ELK3: variants seen among roughly 807,000 people sequenced by gnomAD.
The protein encoded by ELK3 is ETS domain-containing protein Elk-3.
In ELK3, 10 loss-of-function variants were observed where a neutral mutation model predicts 28.9. That is an observed-to-expected ratio of 0.35 (90% CI 0.21 to 0.59). The LOEUF is 0.59. Ranked by LOEUF, ELK3 falls within the 20% of genes least tolerant of loss-of-function variation. ELK3 has a pLI of 0.82. For missense variants in ELK3, 463 were observed against 517.3 expected (o/e 0.90, Z 1.02); for synonymous variants, 272 against 243.5 (o/e 1.12, Z -1.09).
intron 2 of ELK3, among the ~76,000 whole-genome samples, chr12:96,244,069 T>A (rs1164061522): frequency 6.6e-6 from 1 of 152,164 alleles, no homozygotes; most frequent in Non-Finnish European, 1.5e-5. Flanking sequence ...TATGTTATGT[T>A]TGTTCCTTAC....
rs374340866 is a variant in ELK3, at chr12:96,246,845, T to C, written c.208-95T>C. ...CCAAGAATGTAAATCAGGAACATTT[T>C]GGTGCTTCTGCCAGCGACATTTACC... On this transcript the variant is annotated intron_variant, in intron 2 of 4. Coordinates refer to ENST00000228741, the MANE Select transcript of ELK3 (RefSeq NM_005230.4). The C allele has an allele frequency of 2.3e-5, 30 of 1,288,424 alleles. No individual in the cohort carries two copies. The African/African-American group carries it at 3.4e-4, about 15-fold the overall frequency. The allele number at this position is 1,288,424 out of a possible 1,614,324, so 79.8% of individuals were successfully genotyped here.
intron 2 of ELK3, among the ~76,000 whole-genome samples, chr12:96,242,682 G>A (rs1190945254): frequency 6.6e-6 from 1 of 152,146 alleles, no homozygotes; most frequent in Non-Finnish European, 1.5e-5. Flanking sequence ...GCTGTGGGGG[G>A]CTTTCCTTAC....
chr12:96,199,276 A>ATTATTTGTACATTATTTGT (rs1378463790), intron 1 of ELK3, among the ~76,000 whole-genome samples: 5 of 152,230 alleles, frequency 3.3e-5, no homozygotes, highest in African/African-American at 1.2e-4. Flanking sequence ...ACATTTTAAC[A>ATTATTTGTACATTATTTGT]ACTCCTATTA....
At chr12:96,204,046 G>A (rs1181953409) in intron 1 of ELK3, among the ~76,000 whole-genome samples, 1 of 152,220 alleles carries the variant, frequency 6.6e-6, no homozygotes, top group African/African-American at 2.4e-5. Context: ...AGGTTAGTTT[G>A]CTAGTATCCT....
At chr12:96,199,481 T>TGG (rs1951494588) in intron 1 of ELK3, among the ~76,000 whole-genome samples, 1 of 7,398 alleles carries the variant, frequency 1.4e-4, no homozygotes, top group African/African-American at 1.9e-3. Context: ...TAAAATTAGC[T>TGG]GTGTGTGTGT....
chr12:96,206,653 A>G (rs1022321845), intron 1 of ELK3, among the ~76,000 whole-genome samples: 34 of 152,244 alleles, frequency 2.2e-4, no homozygotes, highest in Non-Finnish European at 3.8e-4. Flanking sequence ...TATTTTGTAC[A>G]GTTAATATAT....
intron 1 of ELK3, among the ~76,000 whole-genome samples, chr12:96,207,941 G>A (rs1951549479): frequency 6.6e-6 from 1 of 152,334 alleles, no homozygotes; most frequent in Non-Finnish European, 1.5e-5. Context: ...GTTATCCTTT[G>A]CCATATCTGT....
chr12:96,263,441 C>G (rs920190457), intron 4 of ELK3, among the ~76,000 whole-genome samples: 10 of 152,034 alleles, frequency 6.6e-5, no homozygotes, highest in Admixed American at 1.3e-4. Flanking sequence ...TGGAATATAC[C>G]TAGTAGGAAT....
intron 3 of ELK3, among the ~76,000 whole-genome samples, chr12:96,251,277 A>C (rs1951903845): frequency 6.6e-6 from 1 of 152,156 alleles, no homozygotes; most frequent in Admixed American, 6.5e-5. Flanking sequence ...AAACTTGATC[A>C]GTGTTGTGTG....
rs909866576 is a variant in ELK3, at chr12:96,244,026, T to C, written c.208-2914T>C. 6.2e-4 allele frequency among the ~76,000 whole-genome samples: 88 copies of C among 142,970 alleles called. 1 individual carries two copies. The highest frequency in any genetic ancestry group is 1.4e-4 in the Non-Finnish European group (9 of 65,272). The allele number at this position is 142,970 out of a possible 152,430, so 93.8% of individuals were successfully genotyped here. On this transcript the variant is annotated intron_variant, in intron 2 of 4. Coordinates refer to ENST00000228741, the MANE Select transcript of ELK3 (RefSeq NM_005230.4). Reference sequence around the variant, plus strand: ...ATCTCAAAAAAAAAAAAAAAAAAAATCTATGATTCTGTTTAATGAAATTGA... The same window carrying C: ...ATCTCAAAAAAAAAAAAAAAAAAAACCTATGATTCTGTTTAATGAAATTGA...
At chr12:96,248,010 G>A (rs1381232142) in intron 3 of ELK3, among the ~76,000 whole-genome samples, 1 of 152,134 alleles carries the variant, frequency 6.6e-6, no homozygotes, top group Non-Finnish European at 1.5e-5. Context: ...CACACTGGCC[G>A]ACAAAGCAGA....
intron 2 of ELK3, among the ~76,000 whole-genome samples, chr12:96,242,909 C>T (rs1312731993): frequency 1.3e-5 from 2 of 152,186 alleles, no homozygotes; most frequent in Non-Finnish European, 2.9e-5. Flanking sequence ...CTGTCACTTC[C>T]TCCTTTTGGC....
Position 96,247,323 on chromosome 12 carries a change from G to C in ELK3, c.591G>C (p.Pro197=). The part of the protein sequence containing the change: ...TNKTDKHVTR[P]VVSLPSTSEA... ...AAACCGACAAGCACGTCACCAGGCC[G>C]GTGGTGTCCCTGCCTTCCACGTCAG... The change falls in exon 3 of 5, where the codon CCG becomes CCC. Residue 197 remains proline (P), a synonymous_variant. Coordinates refer to ENST00000228741, the MANE Select transcript of ELK3 (RefSeq NM_005230.4). The surrounding 1 kb of genome is among the most constrained non-coding windows in gnomAD (Gnocchi z 5.5). 6.2e-7 allele frequency: 1 copy of C among 1,614,232 alleles called. No individual in the cohort carries two copies. The highest frequency in any genetic ancestry group is 8.5e-7 in the Non-Finnish European group (1 of 1,180,050).
At chr12:96,239,263 T>A (rs2137027690) in intron 2 of ELK3, among the ~76,000 whole-genome samples, 1 of 152,318 alleles carries the variant, frequency 6.6e-6, no homozygotes, top group African/African-American at 2.4e-5. Flanking sequence ...AGAAAACATA[T>A]AAATATATAT....
chr12:96,242,621 A>T (rs1328651750), intron 2 of ELK3, among the ~76,000 whole-genome samples: 1 of 152,136 alleles, frequency 6.6e-6, no homozygotes, highest in Non-Finnish European at 1.5e-5. Context: ...AGCTGCAGGG[A>T]CACACGTCCT....
At chr12:96,216,297 C>T (rs144247141) in intron 1 of ELK3, among the ~76,000 whole-genome samples, 1,754 of 152,306 alleles carry the variant, frequency 0.012, 39 homozygotes, top group African/African-American at 0.04. Context: ...GAGAGAGCCC[C>T]AGGGACCCTC....
At position 96,247,794 on chromosome 12, in the gene ELK3, A is replaced by G; in HGVS notation, c.1002+60A>G. Reference sequence around the variant, plus strand: ...GCTTCAGTGGCTTAGCAAAAAAGGAAGAGCAACTAAAGAGACTTCCTTCTG... The same window carrying G: ...GCTTCAGTGGCTTAGCAAAAAAGGAGGAGCAACTAAAGAGACTTCCTTCTG... On this transcript the variant is annotated intron_variant, in intron 3 of 4. Coordinates refer to ENST00000228741, the MANE Select transcript of ELK3 (RefSeq NM_005230.4). The surrounding 1 kb of genome is among the most constrained non-coding windows in gnomAD (Gnocchi z 5.5). The G allele has an allele frequency of 6.9e-7, 1 of 1,445,368 alleles. No individual in the cohort carries two copies. The highest frequency in any genetic ancestry group is 9.1e-7 in the Non-Finnish European group (1 of 1,099,536). The allele number at this position is 1,445,368 out of a possible 1,614,324, so 89.5% of individuals were successfully genotyped here.
intron 2 of ELK3, among the ~76,000 whole-genome samples, chr12:96,246,653 CCTGT>C (rs918438064): frequency 5.3e-5 from 8 of 152,080 alleles, no homozygotes; most frequent in South Asian, 2.1e-4. Flanking sequence ...AGAGTGAGAC[CCTGT>C]CTAAGAAATC....
At chr12:96,205,704 C>G (rs1951534562) in intron 1 of ELK3, among the ~76,000 whole-genome samples, 1 of 152,132 alleles carries the variant, frequency 6.6e-6, no homozygotes, top group African/African-American at 2.4e-5. Context: ...CCAAGTGACA[C>G]CCGAGTGAGG....
Sources: allele counts gnomAD v4.1 joint callset (sites outside exome capture counted in the v4.1 genomes callset), GRCh38; gene constraint gnomAD v4.1.1; non-coding constraint Gnocchi (gnomAD v3.1); transcripts MANE v1.5; gene names NCBI Gene and HGNC (gene_info 2026-07-23, HGNC 2026-07-21).